DSCAM: variants seen among roughly 807,000 people sequenced by gnomAD.
DSCAM encodes the protein DS cell adhesion molecule.
In DSCAM, 47 loss-of-function variants were observed where a neutral mutation model predicts 217.7. That is an observed-to-expected ratio of 0.22 (90% CI 0.17 to 0.28). DSCAM has a LOEUF of 0.28. Among genes scored for constraint, DSCAM ranks in the 10% least tolerant of loss-of-function variants. The pLI is 1.00. For synonymous variants in DSCAM, 1,056 were observed against 1,015.3 expected (o/e 1.04, Z -0.76); for missense variants, 2,080 against 2,618.3 (o/e 0.79, Z 4.49).
intron 1 of DSCAM, among the ~76,000 whole-genome samples, chr21:40,725,155 A>G (rs981268945): frequency 2.6e-5 from 4 of 152,134 alleles, no homozygotes; most frequent in African/African-American, 9.7e-5. Context: ...GGCTTTCTCC[A>G]CAATGTTAAA....
At chr21:40,425,386 G>A (rs1164649502) in intron 3 of DSCAM, among the ~76,000 whole-genome samples, 1 of 152,128 alleles carries the variant, frequency 6.6e-6, no homozygotes, top group African/African-American at 2.4e-5. Flanking sequence ...AATTATGAGT[G>A]AGAACATGCG....
intron 8 of DSCAM, among the ~76,000 whole-genome samples, chr21:40,317,037 C>T (rs915061616): frequency 2.0e-5 from 3 of 152,182 alleles, no homozygotes; most frequent in East Asian, 3.9e-4. Flanking sequence ...TCATGTGTAA[C>T]GAGGTGATAA....
At chr21:40,302,134 T>C (rs1181334127) in intron 9 of DSCAM, among the ~76,000 whole-genome samples, 3 of 152,210 alleles carry the variant, frequency 2.0e-5, no homozygotes, top group Admixed American at 2.0e-4. Flanking sequence ...CATTATTTAG[T>C]ATATTGTGGT....
At chr21:40,366,147 T>C (rs1041192581) in intron 4 of DSCAM, among the ~76,000 whole-genome samples, 1 of 152,186 alleles carries the variant, frequency 6.6e-6, no homozygotes, top group Non-Finnish European at 1.5e-5. Context: ...TTTTTCCAGG[T>C]AGGGTTGTGC....
chr21:40,815,682 C>A (rs77991035), intron 1 of DSCAM, among the ~76,000 whole-genome samples: 2 of 152,014 alleles, frequency 1.3e-5, no homozygotes, highest in African/African-American at 4.8e-5. Context: ...TTGTTGTTTA[C>A]GATAATTTTG....
chr21:40,764,301 T>C (rs910735970), intron 1 of DSCAM, among the ~76,000 whole-genome samples: 1 of 149,060 alleles, frequency 6.7e-6, no homozygotes, highest in African/African-American at 2.5e-5. Context: ...AGCAGACACT[T>C]CTCAAAAGAA....
At chr21:40,056,580 A>C (rs1220190008) in intron 28 of DSCAM, among the ~76,000 whole-genome samples, 1 of 152,200 alleles carries the variant, frequency 6.6e-6, no homozygotes, top group Non-Finnish European at 1.5e-5. Flanking sequence ...AAATCTAAAA[A>C]AGTCAATAAA....
intron 27 of DSCAM, among the ~76,000 whole-genome samples, chr21:40,072,898 G>A (rs1283981805): frequency 6.6e-6 from 1 of 152,148 alleles, no homozygotes; most frequent in Non-Finnish European, 1.5e-5. Flanking sequence ...GTTCTCTGAG[G>A]TGATAGACTG....
intron 3 of DSCAM, among the ~76,000 whole-genome samples, chr21:40,443,779 A>T (rs752862850): frequency 2.0e-5 from 3 of 152,236 alleles, no homozygotes; most frequent in Non-Finnish European, 2.9e-5. Context: ...TCATTCCTAC[A>T]GTTGTAGTGA....
intron 1 of DSCAM, among the ~76,000 whole-genome samples, chr21:40,785,400 T>A (rs1355032210): frequency 6.6e-6 from 1 of 152,238 alleles, no homozygotes; most frequent in African/African-American, 2.4e-5. Flanking sequence ...ACTGCCTTTG[T>A]GGTCCCACCA....
intron 26 of DSCAM, among the ~76,000 whole-genome samples, chr21:40,077,983 G>A (rs986609161): frequency 7.9e-5 from 12 of 152,196 alleles, no homozygotes; most frequent in Admixed American, 2.0e-4. Flanking sequence ...AGTTGCAGTC[G>A]AGGACTCGCT....
chr21:40,215,971 T>A (rs187921151), intron 11 of DSCAM, among the ~76,000 whole-genome samples: 14 of 151,976 alleles, frequency 9.2e-5, no homozygotes, highest in Admixed American at 8.5e-4. Context: ...TTGGTATTTG[T>A]GCTCAAGACT....
At chr21:40,522,967 C>A (rs2837669) in intron 3 of DSCAM, among the ~76,000 whole-genome samples, 41,565 of 151,866 alleles carry the variant, frequency 0.27, 7,066 homozygotes, top group African/African-American at 0.46. Flanking sequence ...TCATGTTTCG[C>A]TTACACATAG....
chr21:40,011,913 G>GGTGTACA lies in DSCAM; in HGVS notation c.*1120_*1121insTGTACAC. ...GGCTACATTTCAGACTCCAGAGCAC[G>GGTGTACA]GGTCTGGCAAATGTTTCCTGTAATG... is the stretch of plus-strand genomic sequence containing the variant. On this transcript the variant is annotated 3_prime_UTR_variant, in exon 33 of 33. Transcript: ENST00000400454. 6.6e-6 allele frequency: 1 copy of GGTGTACA among 152,060 alleles called. No homozygotes were observed. Among genetic ancestry groups the GGTGTACA allele is most frequent in the Admixed American group, 6.6e-5 (1 of 15,266 alleles). The allele number at this position is 152,060 out of a possible 1,614,324, so 9.4% of individuals were successfully genotyped here.
At chr21:40,274,526 T>C (rs1465443128) in intron 11 of DSCAM, among the ~76,000 whole-genome samples, 1 of 152,216 alleles carries the variant, frequency 6.6e-6, no homozygotes, top group Admixed American at 6.5e-5. Flanking sequence ...TTAAAGTCTA[T>C]TAAAATAACT....
chr21:40,526,162 G>A (rs1342718462), intron 3 of DSCAM, among the ~76,000 whole-genome samples: 1 of 152,142 alleles, frequency 6.6e-6, no homozygotes, highest in African/African-American at 2.4e-5. Context: ...AGCGTCAGAG[G>A]CTCCCATCAA....
intron 32 of DSCAM, among the ~76,000 whole-genome samples, chr21:40,035,655 C>A (rs1385628884): frequency 6.9e-6 from 1 of 144,510 alleles, no homozygotes; most frequent in East Asian, 2.1e-4. Flanking sequence ...CAGCTCTGCA[C>A]CAAGTGGACC....
In DSCAM at chr21:40,637,624, CATATATAAAT is replaced by C. The variant is rs1301840277; in HGVS notation, c.508+55176_508+55185del. On this transcript the variant is annotated intron_variant, in intron 3 of 32. Transcript: ENST00000400454. Reference sequence around the variant, plus strand: ...ATATATAAATATATATAAATATATACATATATAAATATATATAAATATATATCTATATATA... The same window carrying C: ...ATATATAAATATATATAAATATATACATATATAAATATATATCTATATATA... Among the ~76,000 whole-genome samples the C allele has an allele frequency of 2.7e-4, 9 of 33,298 alleles. No homozygotes were observed. In the South Asian group the frequency reaches 6.9e-3, roughly 25 times the overall value. The allele number at this position is 33,298 out of a possible 152,430, so 21.8% of individuals were successfully genotyped here.
intron 31 of DSCAM, among the ~76,000 whole-genome samples, chr21:40,043,054 T>C (rs1221222317): frequency 6.6e-6 from 1 of 152,206 alleles, no homozygotes; most frequent in Non-Finnish European, 1.5e-5. Context: ...TTAATTGGCA[T>C]GAATGATTTG....
Sources: allele counts gnomAD v4.1 joint callset (sites outside exome capture counted in the v4.1 genomes callset), GRCh38; gene constraint gnomAD v4.1.1; transcripts MANE v1.5; gene names NCBI Gene and HGNC (gene_info 2026-07-23, HGNC 2026-07-21).